Variants in TJP2 observed in about 807,000 individuals in gnomAD.
The protein encoded by TJP2 is Friedreich ataxia region gene X104 (tight junction protein ZO-2).
A neutral mutation model predicts 133.1 loss-of-function variants in TJP2; 91 were observed. The observed-to-expected ratio is 0.68, with a 90% CI of 0.58 to 0.81. TJP2 has a LOEUF of 0.81. Among genes scored for constraint, TJP2 ranks in the 40% least tolerant of loss-of-function variants. The probability of loss-of-function intolerance (pLI) is 0.00; values close to 1 mark genes in which losing one functional copy is unlikely to be tolerated. For missense variants in TJP2, 1,541 were observed against 1,565.6 expected (o/e 0.98, Z 0.26); for synonymous variants, 592 against 583.4 (o/e 1.01, Z -0.21).
At chr9:69,139,473 A>G (rs1264430400) in intron 1 of TJP2, among the ~76,000 whole-genome samples, 1 of 152,182 alleles carries the variant, frequency 6.6e-6, no homozygotes, top group East Asian at 1.9e-4. Flanking sequence ...ATGTGAAGAC[A>G]TAGAGAAAAG....
At chr9:69,229,128 A>C in intron 9 of TJP2, 56 bp from the exon 10 acceptor site, 1 of 1,516,732 alleles carries the variant, frequency 6.6e-7, no homozygotes, top group Non-Finnish European at 9.2e-7. Context: ...TTTTCTATTT[A>C]GAAACGCACT....
intron 12 of TJP2, 75 bp downstream of exon 12, chr9:69,234,622 C>A: frequency 9.1e-7 from 1 of 1,104,328 alleles, no homozygotes; most frequent in Non-Finnish European, 1.4e-6. Flanking sequence ...TGTCTTGGTA[C>A]CAGAATAGGC....
intron 1 of TJP2, among the ~76,000 whole-genome samples, chr9:69,124,966 T>G (rs1465134041): frequency 1.3e-5 from 1 of 76,794 alleles, no homozygotes; most frequent in African/African-American, 4.0e-5. Context: ...TTTTTGTTGT[T>G]GTTGAGATGG....
chr9:69,146,803 C>T (rs1319137525), intron 1 of TJP2, among the ~76,000 whole-genome samples: 1 of 152,114 alleles, frequency 6.6e-6, no homozygotes, highest in Non-Finnish European at 1.5e-5. Context: ...TACTGCCCAA[C>T]ATCCCACAAG....
At chr9:69,162,211 CAATTAT>C (rs1312502587) in intron 2 of TJP2, among the ~76,000 whole-genome samples, 6 of 147,652 alleles carry the variant, frequency 4.1e-5, no homozygotes, top group Non-Finnish European at 8.9e-5. Flanking sequence ...ATATAAAATA[CAATTAT>C]AAGTTAAATA....
chr9:69,203,677 G>A (rs1371674011), intron 1 of TJP2, among the ~76,000 whole-genome samples: 1 of 136,638 alleles, frequency 7.3e-6, no homozygotes, highest in African/African-American at 2.8e-5. Flanking sequence ...GCAGTGGCCC[G>A]ATCTCAGGTC....
At chr9:69,245,505 CAT>C (rs2133448605) in intron 17 of TJP2, among the ~76,000 whole-genome samples, 1 of 152,280 alleles carries the variant, frequency 6.6e-6, no homozygotes, top group South Asian at 2.1e-4. Flanking sequence ...GAAGAAATGA[CAT>C]ATGTTGTACT....
intron 1 of TJP2, chr9:69,205,077 G>A (rs757193858): frequency 1.6e-4 from 240 of 1,513,574 alleles, no homozygotes; most frequent in East Asian, 3.5e-4. Context: ...TATTGTATCC[G>A]CCTTACGTAA....
intron 2 of TJP2, 124 bp downstream of exon 2, chr9:69,212,725 A>G (rs1318713357): frequency 2.7e-6 from 2 of 729,954 alleles, no homozygotes; most frequent in Admixed American, 2.1e-5. Flanking sequence ...ATAATGTATT[A>G]TAGATACTAA....
intron 2 of TJP2, among the ~76,000 whole-genome samples, chr9:69,155,686 C>T (rs140956766): frequency 1.2e-4 from 19 of 152,338 alleles, no homozygotes; most frequent in Middle Eastern, 6.8e-3. Context: ...ATGAGCATCT[C>T]GCACTGTGCT....
chr9:69,206,933 T>A (rs1245208946), intron 1 of TJP2, among the ~76,000 whole-genome samples: 1 of 152,104 alleles, frequency 6.6e-6, no homozygotes, highest in Admixed American at 6.5e-5. Context: ...GAATTAAATA[T>A]CTAAATCATG....
chr9:69,216,466 G>A lies in TJP2; in HGVS notation c.239+3G>A. ...GGGCCTGCTGATGGGCTGCTCCAGT[G>A]AGTGTCCTCCCTCGCTCCGCAGCCC... On this transcript the variant is annotated splice_donor_region_variant and intron_variant, in intron 3 of 22. Transcript: ENST00000377245. 2.5e-6 allele frequency: 4 copies of A among 1,614,070 alleles called. No individual in the cohort carries two copies. The highest frequency in any genetic ancestry group is 3.4e-6 in the Non-Finnish European group (4 of 1,180,028).
Position 69,212,554 on chromosome 9 carries a change from G to C in TJP2, c.67G>C (p.Gly23Arg), listed in dbSNP as rs1395526059. 1 of 1,612,862 alleles carries C rather than the reference G, an allele frequency of 6.2e-7. No individual in the cohort carries two copies. Among genetic ancestry groups the C allele is most frequent in the Non-Finnish European group, 8.5e-7 (1 of 1,179,100 alleles). The change falls in exon 2 of 23, where the codon GGC (glycine) becomes CGC (arginine). Residue 23 changes from glycine to arginine, a missense_variant. By Grantham distance (125) the Gly-to-Arg change is moderately radical. Transcript: ENST00000377245. Reference protein sequence around the residue: ...RELSGWLRAPGMEELIWEQYT... With the variant: ...RELSGWLRAPRMEELIWEQYT... ...TTTTGTTCTTTTAAAACAGGCCCCA[G>C]GCATGGAAGAGCTGATATGGGAACA... is the stretch of plus-strand genomic sequence containing the variant.
At chr9:69,167,641 G>A (rs564645275) in intron 2 of TJP2, among the ~76,000 whole-genome samples, 5 of 152,104 alleles carry the variant, frequency 3.3e-5, no homozygotes. Context: ...GCTGAAGCAA[G>A]CAGATCAATT....
At chr9:69,203,135 C>G (rs1335521634) in intron 1 of TJP2, among the ~76,000 whole-genome samples, 1 of 151,960 alleles carries the variant, frequency 6.6e-6, no homozygotes, top group Non-Finnish European at 1.5e-5. Flanking sequence ...CTGGCCTGAA[C>G]CCTCCCCGAG....
intron 2 of TJP2, among the ~76,000 whole-genome samples, chr9:69,155,984 A>AGAAGAAAAGGTTTGTGTTT (rs1823735064): frequency 6.6e-6 from 1 of 152,224 alleles, no homozygotes; most frequent in Non-Finnish European, 1.5e-5. Flanking sequence ...GCACTAGGTG[A>AGAAGAAAAGGTTTGTGTTT]GAAGAAAAGG....
rs774679324 is a variant in TJP2 at position 69,226,122 on chromosome 9, A to G, written c.1157A>G (p.Gln386Arg). The G allele has an allele frequency of 9.9e-6, 16 of 1,614,196 alleles. No individual in the cohort carries two copies. The highest frequency in any genetic ancestry group is 1.4e-5 in the Non-Finnish European group (16 of 1,180,030). The change falls in exon 7 of 23, where the codon CAG becomes CGG. Residue 386 changes from glutamine (Q) to arginine (R), a missense_variant. Coordinates refer to ENST00000377245, the MANE Select transcript of TJP2 (RefSeq NM_004817.4). The stretch of plus-strand genomic sequence containing the variant: ...CAGCTAGTGGTGTTGAGAGACAGCC[A>G]GCAGACCCTCATCAACATCCCGTCA... Reference protein sequence around the residue: ...KLQLVVLRDSQQTLINIPSLN... With the variant: ...KLQLVVLRDSRQTLINIPSLN...
At chr9:69,237,652 TA>T (rs1198423277) in intron 14 of TJP2, among the ~76,000 whole-genome samples, 4 of 151,524 alleles carry the variant, frequency 2.6e-5, no homozygotes, top group Non-Finnish European at 5.9e-5. Flanking sequence ...TCTTGTCTCT[TA>T]AAAAAAAATC....
Position 69,236,959 on chromosome 9 carries a change from A to G in TJP2, c.2002A>G (p.Met668Val). ...LIPNKSRAEQ[M>V]ASVQNAQRDN... ...GTGGTTTCTTCTCAGAGCTGAACAA[A>G]TGGCCAGTGTTCAAAATGCCCAGAG... is the stretch of plus-strand genomic sequence containing the variant. The change falls in exon 14 of 23, where the codon ATG becomes GTG. Residue 668 changes from methionine to valine, a missense_variant. Met to Val is a conservative substitution (Grantham distance 21). Transcript: ENST00000377245. 1 of 1,614,208 alleles carries G rather than the reference A, an allele frequency of 6.2e-7. No individual in the cohort carries two copies.
Sources: gnomAD v4.1 joint callset for allele counts (sites outside exome capture counted in the v4.1 genomes callset) on GRCh38, gnomAD v4.1.1 for gene constraint, MANE v1.5 for transcripts, NCBI Gene and HGNC (gene_info 2026-07-23, HGNC 2026-07-21) for gene names.